TP63: variants seen among roughly 807,000 people sequenced by gnomAD.
TP63 encodes the protein tumor protein 63.
TP63 carries 17 observed loss-of-function variants against 82.8 expected under a neutral mutation model. That is an observed-to-expected ratio of 0.21 (90% CI 0.14 to 0.31). The LOEUF (loss-of-function observed/expected upper bound fraction) is 0.31, where lower values mean the gene tolerates loss of function less well. Ranked by LOEUF, TP63 falls within the 10% of genes least tolerant of loss-of-function variation. The pLI, the probability that TP63 is intolerant of heterozygous loss-of-function variation, is 1.00. For synonymous variants in TP63, 330 were observed against 321.7 expected (o/e 1.03, Z -0.28); for missense variants, 648 against 895.3 (o/e 0.72, Z 3.52).
chr3:189,637,568 C>A (rs1480432892), intron 1 of TP63, among the ~76,000 whole-genome samples: 1 of 152,118 alleles, frequency 6.6e-6, no homozygotes, highest in East Asian at 1.9e-4. Flanking sequence ...AGTAACAGAA[C>A]CAGGATGAGA....
chr3:189,627,451 T>C (rs1465930723), upstream of TP63, among the ~76,000 whole-genome samples: 2 of 152,126 alleles, frequency 1.3e-5, no homozygotes, highest in Non-Finnish European at 2.9e-5. Context: ...ATACGTACCA[T>C]ATGCCTGCAT....
At position 189,691,720 on chromosome 3, in the gene TP63, A is replaced by T. The variant is rs537525118; in HGVS notation, c.63-46020A>T. Among the ~76,000 whole-genome samples, 16 of 152,306 alleles carry T rather than the reference A, an allele frequency of 1.1e-4. 1 individual carries two copies. The highest frequency in any genetic ancestry group is 7.8e-4 in the Admixed American group (12 of 15,294). On this transcript the variant is annotated intron_variant, in intron 1 of 13. Transcript: ENST00000264731. ...TCACACTAGCTGTGTAAGAGTCTAT[A>T]CTACAGTCCTCTGGTATCTACAGCA...
chr3:189,769,854 T>C (rs927566559), intron 3 of TP63, among the ~76,000 whole-genome samples: 70 of 151,962 alleles, frequency 4.6e-4, no homozygotes, highest in African/African-American at 1.6e-3. Flanking sequence ...TTATCCTATT[T>C]GACTACTCAT....
intron 1 of TP63, among the ~76,000 whole-genome samples, chr3:189,672,748 A>T (rs190725596): frequency 1.9e-4 from 29 of 151,804 alleles, no homozygotes; most frequent in Non-Finnish European, 1.0e-4. Flanking sequence ...AGAAGAGATT[A>T]AGACCTAAGA....
intron 3 of TP63, among the ~76,000 whole-genome samples, chr3:189,750,971 C>A (rs1374201634): frequency 1.3e-5 from 2 of 152,048 alleles, no homozygotes; most frequent in African/African-American, 4.8e-5. Context: ...CTCCCCCAAA[C>A]CCCCACCCTG....
chr3:189,758,065 C>G (rs950380318), intron 3 of TP63, among the ~76,000 whole-genome samples: 1 of 152,082 alleles, frequency 6.6e-6, no homozygotes, highest in East Asian at 1.9e-4. Context: ...CACCAGGAAC[C>G]AGTTTTGTAG....
intron 1 of TP63, among the ~76,000 whole-genome samples, chr3:189,645,988 A>G (rs755742200): frequency 6.8e-6 from 1 of 147,114 alleles, no homozygotes; most frequent in Non-Finnish European, 1.5e-5. Context: ...TCATATAATG[A>G]CTTCTTTTCC....
chr3:189,685,449 C>T (rs1295579425), intron 1 of TP63, among the ~76,000 whole-genome samples: 1 of 152,092 alleles, frequency 6.6e-6, no homozygotes, highest in Non-Finnish European at 1.5e-5. Context: ...TTCTTTTCAC[C>T]CTAGCTTCTT....
chr3:189,685,769 T>C (rs900667203), intron 1 of TP63, among the ~76,000 whole-genome samples: 3 of 152,196 alleles, frequency 2.0e-5, no homozygotes, highest in African/African-American at 7.2e-5. Context: ...AATAACGCAA[T>C]TGTATCTTTC....
intron 3 of TP63, among the ~76,000 whole-genome samples, chr3:189,751,817 T>C (rs1422277791): frequency 6.6e-6 from 1 of 152,194 alleles, no homozygotes; most frequent in Non-Finnish European, 1.5e-5. Context: ...AGAAGCTCTT[T>C]AGTTTAATTA....
chr3:189,834,888 C>CTTTTT (rs10641824), intron 4 of TP63, among the ~76,000 whole-genome samples: 2 of 138,752 alleles, frequency 1.4e-5, no homozygotes, highest in Non-Finnish European at 3.1e-5. Context: ...GGTTTTTTTC[C>CTTTTT]TTTTTTTTTT....
chr3:189,840,121 A>G (rs1181241042), intron 4 of TP63, among the ~76,000 whole-genome samples: 1 of 152,188 alleles, frequency 6.6e-6, no homozygotes, highest in Non-Finnish European at 1.5e-5. Context: ...CATCAAGCGT[A>G]AGTCTTATTT....
chr3:189,850,069 G>C (rs1715425792), intron 4 of TP63, among the ~76,000 whole-genome samples: 1 of 152,156 alleles, frequency 6.6e-6, no homozygotes, highest in African/African-American at 2.4e-5. Context: ...CACACTTGAG[G>C]TCAGGAGTTT....
chr3:189,848,369 C>T, intron 4 of TP63, among the ~76,000 whole-genome samples: 1 of 145,344 alleles, frequency 6.9e-6, no homozygotes, highest in South Asian at 2.3e-4. Flanking sequence ...CTACAGATGC[C>T]CCCATACCTG....
At position 189,894,247 on chromosome 3, in the gene TP63, G is replaced by A. The variant is rs148577576; in HGVS notation, c.1788G>A (p.Ala596=). 3.3e-4 allele frequency: 529 copies of A among 1,613,984 alleles called. 2 individuals carry two copies. In the African/African-American group the frequency reaches 5.6e-3, roughly 17 times the overall value. ...SLKIPEQFRH[A]IWKGILDHRQ... is the part of the protein sequence containing the mutation. ...AAATCCCTGAGCAATTTCGACATGC[G>A]ATCTGGAAGGGCATCCTGGACCACC... Residue 596 remains alanine, a synonymous_variant, in exon 14 of 14, where the codon GCG becomes GCA. Transcript: ENST00000264731.
intron 1 of TP63, among the ~76,000 whole-genome samples, chr3:189,679,756 C>T (rs1560105250): frequency 6.6e-6 from 1 of 152,102 alleles, no homozygotes; most frequent in Non-Finnish European, 1.5e-5. Context: ...AGCAGTTCTA[C>T]AGCTCCAGGT....
At chr3:189,675,765 G>T (rs542885932) in intron 1 of TP63, among the ~76,000 whole-genome samples, 1 of 152,202 alleles carries the variant, frequency 6.6e-6, no homozygotes, top group South Asian at 2.1e-4. Flanking sequence ...ACCAGCTACA[G>T]CCTGGAAGTA....
At chr3:189,630,935 A>AAAAAC (rs374470796), upstream of TP63, among the ~76,000 whole-genome samples, 162 of 152,246 alleles carry the variant, frequency 1.1e-3, no homozygotes, top group African/African-American at 3.7e-3. Context: ...AAATAGATGA[A>AAAAAC]AAAACAAAAC....
At chr3:189,778,084 C>T (rs1380737591) in intron 3 of TP63, among the ~76,000 whole-genome samples, 1 of 151,926 alleles carries the variant, frequency 6.6e-6, no homozygotes, top group Non-Finnish European at 1.5e-5. Context: ...CATGGCTGGT[C>T]TCGAACTCCT....
Sources: gnomAD v4.1 joint callset for allele counts (sites outside exome capture counted in the v4.1 genomes callset) on GRCh38, gnomAD v4.1.1 for gene constraint, MANE v1.5 for transcripts, NCBI Gene and HGNC (gene_info 2026-07-23, HGNC 2026-07-21) for gene names.